The following PC variants were observed in gnomAD, a reference collection of about 807,000 sequenced individuals.
The protein encoded by PC is pyruvate carboxylase, mitochondrial.
A neutral mutation model predicts 107.8 loss-of-function variants in PC; 46 were observed. That is an observed-to-expected ratio of 0.43 (90% CI 0.34 to 0.55). The LOEUF (loss-of-function observed/expected upper bound fraction) is 0.55, where lower values mean the gene tolerates loss of function less well. PC is among the 20% of genes least tolerant of loss of function. PC has a pLI of 0.04. For missense variants in PC, 1,241 were observed against 1,643.1 expected, an observed-to-expected ratio of 0.76 and a Z score of 4.23; for synonymous variants, 662 against 684.7, an observed-to-expected ratio of 0.97 and a Z score of 0.52.
chr11:66,929,816 C>T (rs898849349), intron 3 of PC, among the ~76,000 whole-genome samples: 1 of 152,112 alleles, frequency 6.6e-6, no homozygotes, highest in Non-Finnish European at 1.5e-5. Context: ...CACGCCTGGC[C>T]AGATTAAATT....
In PC at chr11:66,849,099, C is replaced by T. The variant is rs769801484; in HGVS notation, c.3337G>A (p.Gly1113Arg). ...ATCACCTTCCCAGGCATGGGCGCCC[C>T]GATCTGGCCCTTCACGTCCTTTAGG... is the stretch of plus-strand genomic sequence containing the variant. ...KALKDVKGQI[G>R]APMPGKVIDI... The change falls in exon 23 of 23, where the codon GGG becomes AGG. Residue 1113 changes from glycine to arginine, a missense_variant. Physicochemically the swap from Gly to Arg is moderately radical, Grantham distance 125 (BLOSUM62 -2). Coordinates refer to ENST00000393960, the MANE Select transcript of PC (RefSeq NM_001040716.2). 1.6e-5 allele frequency: 26 copies of T among 1,613,988 alleles called. No individual in the cohort carries two copies. The highest frequency in any genetic ancestry group is 2.7e-5 in the African/African-American group (2 of 74,948).
At chr11:66,862,181 C>T (rs1432460548) in intron 12 of PC, among the ~76,000 whole-genome samples, 1 of 152,148 alleles carries the variant, frequency 6.6e-6, no homozygotes, top group Non-Finnish European at 1.5e-5. Flanking sequence ...CGCGTGATGT[C>T]GACAGCTGAT....
chr11:66,857,644 C>G lies in PC; in HGVS notation c.1369-4261G>C. On this transcript the variant is annotated intron_variant, in intron 12 of 22. Coordinates refer to ENST00000393960, the MANE Select transcript of PC (RefSeq NM_001040716.2). This position sits in a 1 kb window ranked among gnomAD's most constrained non-coding sequence, Gnocchi z 7.1. ...TGACCCAGCCCCTCCCCGGGCCAGG[C>G]TCACAGAAGCTGGCTTCTGGGACTG... The G allele has an allele frequency of 1.5e-6, 2 of 1,326,156 alleles. No individual in the cohort carries two copies. Among genetic ancestry groups the G allele is most frequent in the Non-Finnish European group, 2.0e-6 (2 of 993,206 alleles). 82.1% of individuals were successfully genotyped at this position (1,326,156 alleles called of 1,614,324 possible). A position where few individuals can be genotyped will look rare whatever the true frequency, so the allele number is the denominator to read the frequency against.
At chr11:66,930,827 G>A (rs1948828135) in intron 3 of PC, among the ~76,000 whole-genome samples, 1 of 151,648 alleles carries the variant, frequency 6.6e-6, no homozygotes, top group South Asian at 2.1e-4. Context: ...AGGCCTTCTT[G>A]GCAACAGGGC....
chr11:66,870,894 T>G lies in PC; in HGVS notation c.634-2A>C. ...CCGGGTGTAATTCTCCTCCAGCTCC[T>G]GCGAGGGCGGGCAGGGGCCAGCCAG... On this transcript the variant is annotated splice_acceptor_variant, in intron 7 of 22. Coordinates refer to ENST00000393960, the MANE Select transcript of PC (RefSeq NM_001040716.2). LOFTEE classifies it high-confidence loss of function. The surrounding 1 kb of genome is among the most constrained non-coding windows in gnomAD (Gnocchi z 6.1). The G allele has an allele frequency of 6.2e-7, 1 of 1,612,046 alleles. No individual in the cohort carries two copies. The highest frequency in any genetic ancestry group is 8.5e-7 in the Non-Finnish European group (1 of 1,179,648).
Position 66,853,380 on chromosome 11 carries a change from T to G in PC, c.1372A>C (p.Asn458His). 6.2e-7 allele frequency: 1 copy of G among 1,612,754 alleles called. No individual in the cohort carries two copies. Among genetic ancestry groups the G allele is most frequent in the Non-Finnish European group, 8.5e-7 (1 of 1,179,320 alleles). ...AGCACATTCTGCAGGAAGGCGATGT[T>G]GGTCTGCAGGACAGAGGCGGGTGGG... ...AEFRVRGVKTNIAFLQNVLNN... is the reference protein window; with the variant it reads ...AEFRVRGVKTHIAFLQNVLNN... Residue 458 changes from asparagine to histidine, a missense_variant, in exon 13 of 23, where the codon AAC (asparagine) becomes CAC (histidine). Transcript: ENST00000393960.
Position 66,849,389 on chromosome 11 carries a change from G to C in PC, c.3148-19C>G, listed in dbSNP as rs1246738739. 9 of 1,611,798 alleles carry C rather than the reference G, an allele frequency of 5.6e-6. No homozygotes were observed. In the Admixed American group the frequency reaches 6.7e-5, roughly 12 times the overall value. ...GCTCCACCTGCAGGGAGGGTGTGCA[G>C]ACTCAGAGCTGGACGCCAAGGTGGG... is the stretch of plus-strand genomic sequence containing the variant. On this transcript the variant is annotated intron_variant, in intron 21 of 22. Coordinates refer to ENST00000393960, the MANE Select transcript of PC (RefSeq NM_001040716.2).
At position 66,871,107 on chromosome 11, in the gene PC, A is replaced by C; in HGVS notation, c.578T>G (p.Phe193Cys). ...FSNTYGFPII[F>C]KAAYGGGGRG... ...CCCTCCACCCCCATAGGCCGCCTTG[A>C]AGATGATGGGGAAGCCGTAGGTGTT... Residue 193 changes from phenylalanine (F) to cysteine (C), a missense_variant, in exon 7 of 23, where the codon TTC becomes TGC. Phe to Cys is a radical substitution (Grantham distance 205). Coordinates refer to ENST00000393960, the MANE Select transcript of PC (RefSeq NM_001040716.2). This position sits in a 1 kb window ranked among gnomAD's most constrained non-coding sequence, Gnocchi z 7.4. The C allele has an allele frequency of 6.2e-7, 1 of 1,613,944 alleles. No individual in the cohort carries two copies. The highest frequency in any genetic ancestry group is 8.5e-7 in the Non-Finnish European group (1 of 1,179,946).
In PC at chr11:66,868,124, G is replaced by A. The variant is rs141648732; in HGVS notation, c.1022+722C>T. ...ACCTCTCTAGAGGGCTGTTCCGAGG[G>A]ATGCTACTTATCCTTCAATCAGATA... is the stretch of plus-strand genomic sequence containing the variant. On this transcript the variant is annotated intron_variant, in intron 10 of 22. Coordinates refer to ENST00000393960, the MANE Select transcript of PC (RefSeq NM_001040716.2). Among the ~76,000 whole-genome samples, 961 of 152,368 alleles carry A rather than the reference G, an allele frequency of 6.3e-3. 4 individuals carry two copies. Among genetic ancestry groups the A allele is most frequent in the Non-Finnish European group, 9.9e-3 (673 of 68,034 alleles).
chr11:66,864,194 G>T (rs1946396209), intron 11 of PC, among the ~76,000 whole-genome samples: 1 of 152,266 alleles, frequency 6.6e-6, no homozygotes, highest in African/African-American at 2.4e-5. Flanking sequence ...TGAGGAGCTG[G>T]GAGGGGGCAG....
chr11:66,946,754 A>T (rs1325427500), intron 3 of PC, among the ~76,000 whole-genome samples: 1 of 152,162 alleles, frequency 6.6e-6, no homozygotes, highest in Non-Finnish European at 1.5e-5. Context: ...GCATCAGTGC[A>T]AGCCAGCCTG....
chr11:66,940,199 CTT>C (rs144463616), intron 3 of PC, among the ~76,000 whole-genome samples: 235 of 137,370 alleles, frequency 1.7e-3, no homozygotes, highest in Middle Eastern at 3.7e-3. Context: ...GTTCCCAAAA[CTT>C]TTTTTTTTTT....
At chr11:66,894,582 G>A (rs1420456219) in intron 3 of PC, among the ~76,000 whole-genome samples, 1 of 152,242 alleles carries the variant, frequency 6.6e-6, no homozygotes, top group African/African-American at 2.4e-5. Flanking sequence ...CTCACAGCCT[G>A]GGTCTGGAGC....
At chr11:66,925,242 A>C (rs928315263) in intron 3 of PC, among the ~76,000 whole-genome samples, 4 of 152,178 alleles carry the variant, frequency 2.6e-5, no homozygotes, top group African/African-American at 9.7e-5. Flanking sequence ...AACTGGTCTG[A>C]TCAAAATTTA....
At chr11:66,915,200 C>T (rs61601671) in intron 3 of PC, among the ~76,000 whole-genome samples, 9,539 of 152,226 alleles carry the variant, frequency 0.063, 333 homozygotes, top group Non-Finnish European at 0.087. Context: ...CACTCCATTT[C>T]ACAGAGAGCA....
intron 3 of PC, among the ~76,000 whole-genome samples, chr11:66,918,428 GC>G (rs1948513625): frequency 6.7e-6 from 1 of 149,500 alleles, no homozygotes; most frequent in African/African-American, 2.5e-5. Flanking sequence ...TCGCTCTATT[GC>G]CCAGGCTGGA....
At position 66,852,491 on chromosome 11, in the gene PC, G is replaced by A; in HGVS notation, c.1773C>T (p.Ala591=). 1 of 1,614,078 alleles carries A rather than the reference G, an allele frequency of 6.2e-7. No individual in the cohort carries two copies. The highest frequency in any genetic ancestry group is 8.5e-7 in the Non-Finnish European group (1 of 1,180,036). ...RVRTHDLKKI[A]PYVAHNFSKL... is the part of the protein sequence containing the mutation. ...TGCTGAAGTTGTGGGCAACATAGGG[G>A]GCGATCTTTTTGAGATCGTGGGTGC... The change falls in exon 15 of 23, where the codon GCC becomes GCT. Residue 591 remains alanine, a synonymous_variant. Coordinates refer to ENST00000393960, the MANE Select transcript of PC (RefSeq NM_001040716.2). The surrounding 1 kb of genome is among the most constrained non-coding windows in gnomAD (Gnocchi z 4.7).
At position 66,848,711 on chromosome 11, in the gene PC, C is replaced by T. The variant is rs553630251; in HGVS notation, c.*188G>A. ...AGAGATGAACATGTAAGCAGCTGTC[C>T]GCCGGAGGAAAGGACGATGGCTGAA... is the stretch of plus-strand genomic sequence containing the variant. On this transcript the variant is annotated 3_prime_UTR_variant, in exon 23 of 23. Coordinates refer to ENST00000393960, the MANE Select transcript of PC (RefSeq NM_001040716.2). 76 of 687,692 alleles carry T rather than the reference C, an allele frequency of 1.1e-4. No homozygotes were observed. Among genetic ancestry groups the T allele is most frequent in the South Asian group, 9.4e-4 (54 of 57,710 alleles). The allele number at this position is 687,692 out of a possible 1,614,324, so 42.6% of individuals were successfully genotyped here. A position where few individuals can be genotyped will look rare whatever the true frequency, so the allele number is the denominator to read the frequency against.
intron 12 of PC, 104 bp from the exon 13 acceptor site, chr11:66,853,487 C>G: frequency 7.2e-7 from 1 of 1,380,072 alleles, no homozygotes; most frequent in Admixed American, 1.7e-5. Flanking sequence ...TGCCCTGGGC[C>G]AGCACAGCTT....
Sources: allele counts gnomAD v4.1 joint callset (sites outside exome capture counted in the v4.1 genomes callset), GRCh38; gene constraint gnomAD v4.1.1; non-coding constraint Gnocchi (gnomAD v3.1); transcripts MANE v1.5; gene names NCBI Gene and HGNC (gene_info 2026-07-23, HGNC 2026-07-21).